The following CADM2 variants were observed in gnomAD, a reference collection of about 807,000 sequenced individuals.
CADM2 encodes immunoglobulin superfamily member 4D.
Under a neutral mutation model 49.8 loss-of-function variants are expected in CADM2, and 12 were observed. That is an observed-to-expected ratio of 0.24 (90% CI 0.15 to 0.39). The LOEUF is 0.39. CADM2 is among the 10% of genes least tolerant of loss of function. The probability of loss-of-function intolerance (pLI) is 1.00; values close to 1 mark genes in which losing one functional copy is unlikely to be tolerated. For synonymous variants in CADM2, 214 were observed against 175.4 expected (o/e 1.22, Z -1.74); for missense variants, 378 against 492.3 (o/e 0.77, Z 2.20).
rs1337379941 is a variant in CADM2 at position 85,553,854 on chromosome 3, T to G, written c.62-172668T>G. Reference sequence around the variant, plus strand: ...GAACAAAGATCCCAATCCCTAAACCTTGTCTTGAACAGGTGCATCCTGTAA... The same window carrying G: ...GAACAAAGATCCCAATCCCTAAACCGTGTCTTGAACAGGTGCATCCTGTAA... On this transcript the variant is annotated intron_variant, in intron 1 of 9. Coordinates refer to ENST00000383699, the MANE Select transcript of CADM2 (RefSeq NM_001167675.2). Among the ~76,000 whole-genome samples the G allele has an allele frequency of 3.9e-5, 6 of 152,306 alleles. No individual in the cohort carries two copies. The South Asian group carries it at 1.2e-3, about 32-fold the overall frequency.
chr3:85,620,842 G>A (rs1327878730), intron 1 of CADM2, among the ~76,000 whole-genome samples: 1 of 151,922 alleles, frequency 6.6e-6, no homozygotes, highest in Non-Finnish European at 1.5e-5. Flanking sequence ...CAGCACTGTT[G>A]GAATAGTCTC....
intron 3 of CADM2, among the ~76,000 whole-genome samples, chr3:85,816,629 A>G (rs1386855451): frequency 2.0e-5 from 3 of 152,196 alleles, no homozygotes; most frequent in Admixed American, 2.0e-4. Flanking sequence ...TCGTTTTTCA[A>G]ATATCATTAC....
intron 1 of CADM2, among the ~76,000 whole-genome samples, chr3:85,125,385 T>C (rs886681268): frequency 1.3e-5 from 2 of 152,150 alleles, no homozygotes; most frequent in African/African-American, 4.8e-5. Context: ...GTTTTTTTTT[T>C]TGAGACAGGG....
chr3:85,986,949 T>C (rs1728191793), intron 8 of CADM2, among the ~76,000 whole-genome samples: 1 of 152,090 alleles, frequency 6.6e-6, no homozygotes, highest in South Asian at 2.1e-4. Flanking sequence ...GTTGTGTTAT[T>C]TCAGGTTAGC....
intron 1 of CADM2, among the ~76,000 whole-genome samples, chr3:85,614,169 G>C (rs2063743050): frequency 6.6e-6 from 1 of 151,544 alleles, no homozygotes; most frequent in Non-Finnish European, 1.5e-5. Flanking sequence ...ACCACATACT[G>C]TTTGATAAAG....
At chr3:85,793,859 T>C (rs1344730066) in intron 2 of CADM2, among the ~76,000 whole-genome samples, 1 of 152,220 alleles carries the variant, frequency 6.6e-6, no homozygotes, top group African/African-American at 2.4e-5. Context: ...TCTATTAAAA[T>C]GGATGTTGAT....
intron 1 of CADM2, among the ~76,000 whole-genome samples, chr3:85,373,014 T>C (rs2033362876): frequency 6.6e-6 from 1 of 152,036 alleles, no homozygotes; most frequent in Non-Finnish European, 1.5e-5. Flanking sequence ...AACCATATCA[T>C]TCTGGTCTTG....
Position 85,549,654 on chromosome 3 carries a change from GTC to G in CADM2, c.62-176864_62-176863del, listed in dbSNP as rs1160326285. Reference sequence around the variant, plus strand: ...TTATTTATTTATTTATTGAGACAGAGTCTCTGTCACCCAGGCTGGAGTGCAAT... The same window carrying G: ...TTATTTATTTATTTATTGAGACAGAGTCTGTCACCCAGGCTGGAGTGCAAT... On this transcript the variant is annotated intron_variant, in intron 1 of 9. Coordinates refer to ENST00000383699, the MANE Select transcript of CADM2 (RefSeq NM_001167675.2). Among the ~76,000 whole-genome samples, 5 of 152,166 alleles carry G rather than the reference GTC, an allele frequency of 3.3e-5. No homozygotes were observed. The East Asian group carries it at 9.7e-4, about 29-fold the overall frequency.
chr3:85,130,010 T>C (rs1408318390), intron 1 of CADM2, among the ~76,000 whole-genome samples: 7 of 152,290 alleles, frequency 4.6e-5, no homozygotes, highest in Middle Eastern at 3.4e-3. Flanking sequence ...CAGGTGTGGA[T>C]TGAATTGGAA....
intron 1 of CADM2, among the ~76,000 whole-genome samples, chr3:85,240,006 A>G (rs186057240): frequency 1.4e-4 from 21 of 151,594 alleles, no homozygotes; most frequent in Admixed American, 1.3e-3. Flanking sequence ...GTAAGAATGA[A>G]TGAGATTTCT....
chr3:84,970,168 T>A lies in CADM2; in HGVS notation c.61+10500T>A, dbSNP rs1191897845. On this transcript the variant is annotated intron_variant, in intron 1 of 9. Transcript: ENST00000383699. Reference sequence around the variant, plus strand: ...CTGGAAGAGATTCTGTCAGTATTATTTAAAAGGCCCTTTAAAAATTCTAAA... The same window carrying A: ...CTGGAAGAGATTCTGTCAGTATTATATAAAAGGCCCTTTAAAAATTCTAAA... 2.0e-5 allele frequency among the ~76,000 whole-genome samples: 3 copies of A among 151,694 alleles called. No individual in the cohort carries two copies. The East Asian group carries it at 5.8e-4, about 29-fold the overall frequency.
At chr3:85,942,449 G>C (rs920809172) in intron 7 of CADM2, among the ~76,000 whole-genome samples, 8 of 151,350 alleles carry the variant, frequency 5.3e-5, no homozygotes, top group Admixed American at 2.0e-4. Context: ...TTGTCATCTA[G>C]CATTAGGTAT....
At chr3:85,182,376 T>A (rs867227920) in intron 1 of CADM2, among the ~76,000 whole-genome samples, 22 of 152,204 alleles carry the variant, frequency 1.4e-4, no homozygotes, top group Non-Finnish European at 2.1e-4. Flanking sequence ...CATGTTGGCA[T>A]CTTGTACCCC....
chr3:86,012,521 C>G lies in CADM2; in HGVS notation c.970+50874C>G, dbSNP rs576026510. On this transcript the variant is annotated intron_variant, in intron 8 of 9. Transcript: ENST00000383699. ...CAGCGGGCGGACTGCCCTGAGGAGG[C>G]CGGGAGCGGAGGGCTGGGCCAGCCA... The G allele has an allele frequency of 6.8e-6, 9 of 1,321,348 alleles. No individual in the cohort carries two copies. In the African/African-American group the frequency reaches 1.1e-4, roughly 16 times the overall value. The allele number at this position is 1,321,348 out of a possible 1,614,324, so 81.9% of individuals were successfully genotyped here. A position where few individuals can be genotyped will look rare whatever the true frequency, so the allele number is the denominator to read the frequency against.
At chr3:85,773,093 C>T (rs2070181057) in intron 2 of CADM2, among the ~76,000 whole-genome samples, 1 of 151,886 alleles carries the variant, frequency 6.6e-6, no homozygotes, top group African/African-American at 2.4e-5. Context: ...AAGAGTGGGC[C>T]TCTTCCCCAA....
chr3:85,778,933 G>A (rs1173557678), intron 2 of CADM2, among the ~76,000 whole-genome samples: 2 of 152,018 alleles, frequency 1.3e-5, no homozygotes, highest in African/African-American at 2.4e-5. Context: ...AAGATCTATT[G>A]GACTTCAGCA....
At chr3:85,720,648 A>G (rs941894869) in intron 1 of CADM2, among the ~76,000 whole-genome samples, 1 of 152,204 alleles carries the variant, frequency 6.6e-6, no homozygotes, top group Non-Finnish European at 1.5e-5. Flanking sequence ...TTTGAATTCT[A>G]ATGAGGCTTA....
At chr3:85,237,881 T>G (rs2042442352) in intron 1 of CADM2, among the ~76,000 whole-genome samples, 2 of 151,920 alleles carry the variant, frequency 1.3e-5, no homozygotes, top group Admixed American at 1.3e-4. Context: ...TTGCCATTTT[T>G]TCTCTTAAAA....
intron 1 of CADM2, among the ~76,000 whole-genome samples, chr3:85,580,775 T>C (rs372170825): frequency 6.6e-6 from 1 of 152,128 alleles, no homozygotes; most frequent in African/African-American, 2.4e-5. Context: ...TACAAAAACC[T>C]TGCAAAATAC....
Sources: gnomAD v4.1 joint callset for allele counts (sites outside exome capture counted in the v4.1 genomes callset) on GRCh38, gnomAD v4.1.1 for gene constraint, MANE v1.5 for transcripts, NCBI Gene and HGNC (gene_info 2026-07-23, HGNC 2026-07-21) for gene names.